SYNE2: variants seen among roughly 807,000 people sequenced by gnomAD.
The protein encoded by SYNE2 is spectrin repeat containing nuclear envelope protein 2, also known as nesprin-2.
SYNE2 carries 431 observed loss-of-function variants against 856.3 expected under a neutral mutation model. That is an observed-to-expected ratio of 0.50 (90% confidence interval 0.47 to 0.55). SYNE2 has a LOEUF of 0.55. SYNE2 is among the 20% of genes least tolerant of loss of function. The pLI is 0.00. For synonymous variants in SYNE2, 2,923 were observed against 2,872.3 expected (o/e 1.02, Z -0.56); for missense variants, 8,129 against 8,023.2 (o/e 1.01, Z -0.50).
chr14:63,782,365 G>A (rs1887349178), intron 1 of SYNE2, among the ~76,000 whole-genome samples: 1 of 151,010 alleles, frequency 6.6e-6, no homozygotes, highest in Non-Finnish European at 1.5e-5. Flanking sequence ...CTACTCAGGA[G>A]GTTGAGGCTG....
intron 68 of SYNE2, 75 bp from the exon 69 acceptor site, chr14:64,121,935 ATC>A: frequency 6.3e-7 from 1 of 1,582,924 alleles, no homozygotes; most frequent in South Asian, 1.1e-5. Context: ...AATTAGATTT[ATC>A]TCAGCAGAGG....
At chr14:63,974,851 CATGTGTGTGTGTGTGTGTGT>C (rs1212005169) in intron 11 of SYNE2, among the ~76,000 whole-genome samples, 11 of 52,806 alleles carry the variant, frequency 2.1e-4, no homozygotes, top group Admixed American at 2.5e-4. Context: ...TGTGTGTGTA[CATGTGTGTGTGTGTGTGTGT>C]GTGTGTGTGT....
chr14:64,210,012 C>T lies in SYNE2; in HGVS notation c.18611C>T (p.Ala6204Val), dbSNP rs1157098840. The T allele has an allele frequency of 6.2e-7, 1 of 1,614,062 alleles. No homozygotes were observed. The highest frequency in any genetic ancestry group is 1.7e-5 in the Admixed American group (1 of 60,022). ...ATCAACAAGCAGTACCGGCGGCTGG[C>T]CCGGGAGAACCGCACAGACACGGCC... ...ELINKQYRRL[A>V]RENRTDTASR... is the part of the protein sequence containing the mutation. Residue 6204 changes from alanine to valine, a missense_variant, in exon 103 of 116, where the codon GCC becomes GTC. Ala to Val is a moderately conservative substitution (Grantham distance 64). Transcript: ENST00000555002.
intron 112 of SYNE2, among the ~76,000 whole-genome samples, chr14:64,222,553 A>T (rs2098699411): frequency 6.6e-6 from 1 of 152,120 alleles, no homozygotes; most frequent in Non-Finnish European, 1.5e-5. Flanking sequence ...AAAAATACAA[A>T]ATAAAATAAA....
chr14:63,983,384 G>A (rs967269957), intron 17 of SYNE2, among the ~76,000 whole-genome samples: 5 of 151,970 alleles, frequency 3.3e-5, no homozygotes, highest in African/African-American at 1.2e-4. Flanking sequence ...TTTAATTCTT[G>A]AACCCTTTTT....
chr14:63,926,649 G>C (rs1302566944), intron 2 of SYNE2, among the ~76,000 whole-genome samples: 1 of 152,192 alleles, frequency 6.6e-6, no homozygotes, highest in African/African-American at 2.4e-5. Context: ...GTCTAAGTCA[G>C]TAGGGGTACT....
chr14:64,158,737 A>G lies in SYNE2; in HGVS notation c.15905A>G (p.His5302Arg). ...MTIRFWYCME[H>R]SKPVVLSLET... ...ATCCGATTCTGGTACTGCATGGAACACAGCAAGCCTGTGGTGTTATCATTG... is the reference window on the plus strand; with the variant it reads ...ATCCGATTCTGGTACTGCATGGAACGCAGCAAGCCTGTGGTGTTATCATTG... The change falls in exon 86 of 116, where the codon CAC (histidine) becomes CGC (arginine). Residue 5302 changes from histidine (H) to arginine (R), a missense_variant. Coordinates refer to ENST00000555002, the MANE Select transcript of SYNE2 (RefSeq NM_182914.3). 6.2e-7 allele frequency: 1 copy of G among 1,614,038 alleles called. No homozygotes were observed. Among genetic ancestry groups the G allele is most frequent in the South Asian group, 1.1e-5 (1 of 91,084 alleles).
At chr14:64,035,355 GA>G (rs943295379) in intron 45 of SYNE2, among the ~76,000 whole-genome samples, 1 of 148,000 alleles carries the variant, frequency 6.8e-6, no homozygotes, top group Non-Finnish European at 1.5e-5. Context: ...TAACTCAGTA[GA>G]AAAAAAAAAG....
In SYNE2 at chr14:64,062,842, T is replaced by C; in HGVS notation, c.10159T>C (p.Ser3387Pro). ...KMETVLGQSM[S>P]SLPLSYREAL... The stretch of plus-strand genomic sequence containing the variant: ...GGAGACAGTTCTTGGACAGTCCATG[T>C]CCTCGTTGCCACTGTCTTACAGAGA... Residue 3387 changes from serine to proline, a missense_variant, in exon 50 of 116, where the codon TCC becomes CCC. Coordinates refer to ENST00000555002, the MANE Select transcript of SYNE2 (RefSeq NM_182914.3). 6.2e-7 allele frequency: 1 copy of C among 1,614,210 alleles called. No homozygotes were observed. Among genetic ancestry groups the C allele is most frequent in the Non-Finnish European group, 8.5e-7 (1 of 1,180,026 alleles).
intron 1 of SYNE2, among the ~76,000 whole-genome samples, chr14:63,774,674 A>G (rs968020589): frequency 2.0e-5 from 3 of 151,804 alleles, no homozygotes; most frequent in African/African-American, 7.3e-5. Flanking sequence ...AGATGGGACT[A>G]CAGATGTGCA....
Position 64,170,357 on chromosome 14 carries a change from G to A in SYNE2, c.17130G>A (p.Glu5710=), listed in dbSNP as rs761762396. 1 of 1,614,136 alleles carries A rather than the reference G, an allele frequency of 6.2e-7. No homozygotes were observed. Among genetic ancestry groups the A allele is most frequent in the Non-Finnish European group, 8.5e-7 (1 of 1,180,020 alleles). ...GGCAAGATTTCACTACTTCTGTGGA[G>A]AACTTGTTTCGCTTCCTCACTGACA... ...RQWQDFTTSV[E]NLFRFLTDTS... The change falls in exon 94 of 116, where the codon GAG becomes GAA. Residue 5710 remains glutamate, a synonymous_variant. Transcript: ENST00000555002.
intron 2 of SYNE2, among the ~76,000 whole-genome samples, chr14:63,934,879 T>G (rs2095810588): frequency 1.3e-5 from 2 of 152,198 alleles, no homozygotes; most frequent in Admixed American, 1.3e-4. Flanking sequence ...TCTGCTCTAT[T>G]GCTAGGAATG....
chr14:64,011,277 TAATC>T (rs1409792215), intron 32 of SYNE2, among the ~76,000 whole-genome samples: 2 of 152,198 alleles, frequency 1.3e-5, no homozygotes. Flanking sequence ...TTGTCAGACT[TAATC>T]AAAGTTGTCA....
At chr14:63,839,846 A>T (rs746648572) in intron 1 of SYNE2, among the ~76,000 whole-genome samples, 6 of 152,240 alleles carry the variant, frequency 3.9e-5, no homozygotes, top group Admixed American at 6.5e-5. Context: ...AGCTAAAAAG[A>T]TAATTTTATC....
At chr14:64,075,579 C>G (rs780133947) in intron 53 of SYNE2, 1 of 240,290 alleles carries the variant, frequency 4.2e-6, no homozygotes, top group Non-Finnish European at 8.0e-6. Context: ...AAAACAACAA[C>G]AAAAAACTTC....
At chr14:64,013,859 C>T (rs896787942) in intron 32 of SYNE2, among the ~76,000 whole-genome samples, 2 of 151,718 alleles carry the variant, frequency 1.3e-5, no homozygotes, top group Non-Finnish European at 2.9e-5. Context: ...CAAACAAATC[C>T]CAGGTATCCT....
intron 62 of SYNE2, 24 bp downstream of exon 62, chr14:64,098,170 C>T: frequency 2.5e-6 from 4 of 1,611,414 alleles, no homozygotes; most frequent in Non-Finnish European, 3.4e-6. Context: ...TAGGTTAATG[C>T]TGGCCCCACA....
chr14:64,095,466 C>G (rs1470416418), intron 61 of SYNE2, among the ~76,000 whole-genome samples: 1 of 152,160 alleles, frequency 6.6e-6, no homozygotes, highest in Non-Finnish European at 1.5e-5. Context: ...TCCTGATTAG[C>G]TGAGTTAGGC....
At position 64,167,643 on chromosome 14, in the gene SYNE2, A is replaced by T; in HGVS notation, c.16905+4A>T. 6.2e-7 allele frequency: 1 copy of T among 1,614,180 alleles called. No homozygotes were observed. The highest frequency in any genetic ancestry group is 8.5e-7 in the Non-Finnish European group (1 of 1,180,026). On this transcript the variant is annotated splice_donor_region_variant and intron_variant, in intron 92 of 115. Coordinates refer to ENST00000555002, the MANE Select transcript of SYNE2 (RefSeq NM_182914.3). Reference sequence around the variant, plus strand: ...GGAGCAGCAGAAAACCTATAAGGTAAACCTGTGTTCTCTGCCACCCTTGAA... The same window carrying T: ...GGAGCAGCAGAAAACCTATAAGGTATACCTGTGTTCTCTGCCACCCTTGAA...
Sources: gnomAD v4.1 joint callset for allele counts (sites outside exome capture counted in the v4.1 genomes callset) on GRCh38, gnomAD v4.1.1 for gene constraint, MANE v1.5 for transcripts, NCBI Gene and HGNC (gene_info 2026-07-23, HGNC 2026-07-21) for gene names.